The following LRPPRC variants were observed in gnomAD, a reference collection of about 807,000 sequenced individuals.
LRPPRC encodes the protein leucine rich pentatricopeptide repeat containing.
A neutral mutation model predicts 180.3 loss-of-function variants in LRPPRC; 120 were observed. That is an observed-to-expected ratio of 0.67 (90% CI 0.57 to 0.77). LRPPRC has a LOEUF of 0.77. Among genes scored for constraint, LRPPRC ranks in the 30% least tolerant of loss-of-function variants. The pLI is 0.00. For missense variants in LRPPRC, 2,012 were observed against 1,657.2 expected (o/e 1.21, Z -3.72); for synonymous variants, 723 against 600.0 (o/e 1.21, Z -3.00).
rs765054721 is a variant in LRPPRC, at chr2:43,946,257, T to C, written c.2080-14A>G. 7 of 1,604,718 alleles carry C rather than the reference T, an allele frequency of 4.4e-6. No homozygotes were observed. Among genetic ancestry groups the C allele is most frequent in the Middle Eastern group, 1.7e-4 (1 of 6,042 alleles). ...TTTTTGCATATTCTAAAATACAGCATAGATGTGAAAAAGAAGAAATCAGTG... is the reference window on the plus strand; with the variant it reads ...TTTTTGCATATTCTAAAATACAGCACAGATGTGAAAAAGAAGAAATCAGTG... On this transcript the variant is annotated splice_polypyrimidine_tract_variant and intron_variant, in intron 20 of 37. Coordinates refer to ENST00000260665, the MANE Select transcript of LRPPRC (RefSeq NM_133259.4).
At chr2:43,987,037 G>A (rs945399611) in intron 1 of LRPPRC, among the ~76,000 whole-genome samples, 1 of 152,160 alleles carries the variant, frequency 6.6e-6, no homozygotes, top group South Asian at 2.1e-4. Flanking sequence ...TCTTTAGCCT[G>A]TTGATACGCT....
intron 15 of LRPPRC, among the ~76,000 whole-genome samples, chr2:43,950,280 T>A (rs564068963): frequency 1.3e-5 from 2 of 152,224 alleles, no homozygotes; most frequent in East Asian, 3.9e-4. Flanking sequence ...GTTACATCGG[T>A]AAACGTGTGC....
At chr2:43,905,373 C>T (rs565360802) in intron 31 of LRPPRC, among the ~76,000 whole-genome samples, 3 of 152,102 alleles carry the variant, frequency 2.0e-5, no homozygotes, top group African/African-American at 4.8e-5. Flanking sequence ...TGAATTTTAA[C>T]GCACTTGAAA....
chr2:43,985,169 T>C (rs1451590116), intron 1 of LRPPRC, among the ~76,000 whole-genome samples: 1 of 152,142 alleles, frequency 6.6e-6, no homozygotes, highest in African/African-American at 2.4e-5. Flanking sequence ...AACACAATTT[T>C]TTGATAAGCA....
intron 23 of LRPPRC, among the ~76,000 whole-genome samples, chr2:43,936,008 G>A (rs1672264301): frequency 1.3e-5 from 2 of 152,144 alleles, no homozygotes; most frequent in African/African-American, 4.8e-5. Flanking sequence ...CCTTGAACCC[G>A]GGAGGTGGAG....
chr2:43,980,836 G>A (rs189227751), intron 2 of LRPPRC, among the ~76,000 whole-genome samples: 167 of 152,308 alleles, frequency 1.1e-3, no homozygotes, highest in Admixed American at 3.8e-3. Flanking sequence ...TGTTGCCTAC[G>A]GCTGGAAGGG....
chr2:43,925,695 C>A (rs1558950716), intron 26 of LRPPRC, among the ~76,000 whole-genome samples, 198 bp downstream of exon 26: 1 of 152,084 alleles, frequency 6.6e-6, no homozygotes, highest in South Asian at 2.1e-4. Context: ...ATCATCAGGG[C>A]CCAGGTTAAC....
intron 20 of LRPPRC, 116 bp from the exon 21 acceptor site, chr2:43,946,359 G>T (rs1672682277): frequency 2.6e-6 from 2 of 779,512 alleles, no homozygotes; most frequent in African/African-American, 3.5e-5. Flanking sequence ...AAAATAAATG[G>T]TTTCATGTTA....
At chr2:43,996,168 A>C (rs1426853149), upstream of LRPPRC, among the ~76,000 whole-genome samples, 1 of 152,138 alleles carries the variant, frequency 6.6e-6, no homozygotes, top group African/African-American at 2.4e-5. Flanking sequence ...TTCATTATCG[A>C]AGCTTTTCTT....
rs1572566853 is a variant in LRPPRC, at chr2:43,974,295, T to C, written c.1010A>G (p.Asp337Gly). 1 of 1,609,798 alleles carries C rather than the reference T, an allele frequency of 6.2e-7. No individual in the cohort carries two copies. Among genetic ancestry groups the C allele is most frequent in the Non-Finnish European group, 8.5e-7 (1 of 1,176,056 alleles). ...KVTCERRYIPDAMNLILLLVT... is the reference protein window; with the variant it reads ...KVTCERRYIPGAMNLILLLVT... ...TAAAAGTAAAATGAGGTTCATTGCA[T>C]CTGGGAAGAAAACAAAGACATCTTT... Residue 337 changes from aspartate to glycine, a missense_variant and splice_region_variant, in exon 9 of 38, where the codon GAT (aspartate) becomes GGT (glycine). By Grantham distance (94) the Asp-to-Gly change is moderately conservative. Transcript: ENST00000260665.
chr2:43,942,175 T>TTTGTAA (rs1672506332), intron 23 of LRPPRC, among the ~76,000 whole-genome samples: 2 of 152,180 alleles, frequency 1.3e-5, no homozygotes, highest in African/African-American at 4.8e-5. Context: ...AGTATTTCTA[T>TTTGTAA]TTGTAAGATA....
intron 34 of LRPPRC, among the ~76,000 whole-genome samples, chr2:43,897,919 C>T (rs59867553): frequency 0.14 from 21,813 of 151,524 alleles, 1,692 homozygotes; most frequent in Middle Eastern, 0.23. Context: ...TATGTATATG[C>T]TTATTATACC....
intron 11 of LRPPRC, 24 bp from the exon 12 acceptor site, chr2:43,963,730 CAG>C (rs1559022022): frequency 1.7e-6 from 2 of 1,172,528 alleles, no homozygotes; most frequent in Non-Finnish European, 2.6e-6. Context: ...TGTAGAAGCA[CAG>C]AGATAGAGAA....
At chr2:43,893,185 G>C (rs995150628) in intron 36 of LRPPRC, among the ~76,000 whole-genome samples, 4 of 152,208 alleles carry the variant, frequency 2.6e-5, no homozygotes, top group African/African-American at 9.6e-5. Flanking sequence ...GTGGTTTCTT[G>C]AGAAGGAATC....
intron 11 of LRPPRC, among the ~76,000 whole-genome samples, chr2:43,967,086 G>C (rs1008914861): frequency 3.3e-5 from 5 of 151,808 alleles, no homozygotes; most frequent in Non-Finnish European, 7.4e-5. Context: ...CTGTGGTAAT[G>C]ACTTCACAAT....
intron 30 of LRPPRC, among the ~76,000 whole-genome samples, chr2:43,909,232 A>T (rs1164002552): frequency 1.3e-5 from 2 of 152,240 alleles, no homozygotes; most frequent in East Asian, 3.8e-4. Flanking sequence ...ATAGTTAGAT[A>T]TAACATTTTA....
chr2:43,950,622 C>G, intron 14 of LRPPRC, 22 bp from the exon 15 acceptor site: 1 of 1,604,748 alleles, frequency 6.2e-7, no homozygotes, highest in Non-Finnish European at 8.5e-7. Flanking sequence ...AGCAAAGGAT[C>G]GAAAATAAAC....
chr2:43,889,385 G>A (rs1670399717), intron 37 of LRPPRC, among the ~76,000 whole-genome samples: 1 of 138,296 alleles, frequency 7.2e-6, no homozygotes, highest in Admixed American at 7.2e-5. Context: ...TTATGTAAAT[G>A]AACAAGTAAT....
At chr2:43,929,284 G>A (rs1671997773) in intron 25 of LRPPRC, among the ~76,000 whole-genome samples, 1 of 152,126 alleles carries the variant, frequency 6.6e-6, no homozygotes, top group African/African-American at 2.4e-5. Flanking sequence ...AATAATTACA[G>A]TAATACAATA....
Sources: gnomAD v4.1 joint callset for allele counts (sites outside exome capture counted in the v4.1 genomes callset) on GRCh38, gnomAD v4.1.1 for gene constraint, MANE v1.5 for transcripts, NCBI Gene and HGNC (gene_info 2026-07-23, HGNC 2026-07-21) for gene names.